AFF3: variants seen among roughly 807,000 people sequenced by gnomAD.
AFF3 encodes ALF transcription elongation factor 3.
Under a neutral mutation model 129.7 loss-of-function variants are expected in AFF3, and 32 were observed. That is an observed-to-expected ratio of 0.25 (90% CI 0.19 to 0.33). The LOEUF is 0.33. Among genes scored for constraint, AFF3 ranks in the 10% least tolerant of loss-of-function variants. The pLI is 1.00. For missense variants in AFF3, 1,373 were observed against 1,592.0 expected (o/e 0.86, Z 2.34); for synonymous variants, 644 against 635.4 (o/e 1.01, Z -0.20).
chr2:99,674,973 G>A (rs1275735831), intron 11 of AFF3, among the ~76,000 whole-genome samples: 1 of 152,194 alleles, frequency 6.6e-6, no homozygotes, highest in Non-Finnish European at 1.5e-5. Context: ...ACACGCATCT[G>A]TTTGAATCTC....
chr2:99,593,706 G>C lies in AFF3; in HGVS notation c.1955C>G (p.Thr652Arg), dbSNP rs764752937. ...GGGGACGATCCTGCTTAGCCCCCGC[G>C]TGCGGCGCTTCTCGCAGGTCACGGA... Reference protein sequence around the residue: ...RSSVTCEKRRTRGLSRIVPKS... With the variant: ...RSSVTCEKRRRRGLSRIVPKS... The change falls in exon 15 of 25, where the codon ACG becomes AGG. Residue 652 changes from threonine to arginine, a missense_variant. Transcript: ENST00000672756. The C allele has an allele frequency of 1.9e-6, 3 of 1,610,238 alleles. No individual in the cohort carries two copies. Among genetic ancestry groups the C allele is most frequent in the Non-Finnish European group, 2.5e-6 (3 of 1,177,830 alleles).
At chr2:99,732,476 C>G (rs542525812) in intron 10 of AFF3, among the ~76,000 whole-genome samples, 4 of 150,582 alleles carry the variant, frequency 2.7e-5, no homozygotes, top group African/African-American at 9.7e-5. Context: ...TGTTTCTAAA[C>G]TTCATACGAC....
intron 13 of AFF3, among the ~76,000 whole-genome samples, chr2:99,621,370 A>C (rs1010581782): frequency 1.3e-5 from 2 of 152,240 alleles, no homozygotes; most frequent in Non-Finnish European, 2.9e-5. Flanking sequence ...AATTCTCATC[A>C]TAACTAAGTC....
chr2:100,039,019 C>A lies in AFF3; in HGVS notation c.54-30087G>T, dbSNP rs1685208465. 2.0e-5 allele frequency among the ~76,000 whole-genome samples: 3 copies of A among 152,138 alleles called. No individual in the cohort carries two copies. The South Asian group carries it at 6.2e-4, about 32-fold the overall frequency. ...GACTACAGGTGTGACCCACCATGCC[C>A]AGCCTATTTTCTTCTTTATAGTTTT... On this transcript the variant is annotated intron_variant, in intron 4 of 24. Transcript: ENST00000672756.
At chr2:99,918,881 T>A (rs1695666816) in intron 7 of AFF3, among the ~76,000 whole-genome samples, 1 of 152,202 alleles carries the variant, frequency 6.6e-6, no homozygotes, top group Admixed American at 6.5e-5. Context: ...TTGGGTATCT[T>A]TGAGTCTTTG....
intron 11 of AFF3, among the ~76,000 whole-genome samples, chr2:99,680,850 G>C (rs1328764524): frequency 1.3e-5 from 2 of 152,176 alleles, no homozygotes; most frequent in African/African-American, 4.8e-5. Context: ...TTAGAAAAGA[G>C]AACCAAGCAT....
chr2:100,086,539 G>A (rs1367026415), intron 4 of AFF3, among the ~76,000 whole-genome samples: 3 of 152,244 alleles, frequency 2.0e-5, no homozygotes, highest in East Asian at 3.9e-4. Context: ...AGAGAGAAAA[G>A]AAAAAAGAAT....
At chr2:99,841,666 G>A (rs1292854994) in intron 7 of AFF3, among the ~76,000 whole-genome samples, 2 of 152,172 alleles carry the variant, frequency 1.3e-5, no homozygotes, top group African/African-American at 4.8e-5. Flanking sequence ...ATCTGAATGG[G>A]AAAGAACTTT....
chr2:99,611,454 G>A (rs993462193), intron 13 of AFF3, among the ~76,000 whole-genome samples: 7 of 152,206 alleles, frequency 4.6e-5, no homozygotes, highest in Admixed American at 6.5e-5. Flanking sequence ...CCACTAATGC[G>A]ATGTTGGCAG....
At chr2:100,033,256 A>C (rs1684655645) in intron 4 of AFF3, among the ~76,000 whole-genome samples, 1 of 152,216 alleles carries the variant, frequency 6.6e-6, no homozygotes, top group South Asian at 2.1e-4. Context: ...GTTAGCAAGA[A>C]ATAAACCTCA....
At chr2:99,697,730 G>C (rs563661886) in intron 11 of AFF3, among the ~76,000 whole-genome samples, 4 of 152,216 alleles carry the variant, frequency 2.6e-5, no homozygotes, top group Non-Finnish European at 5.9e-5. Flanking sequence ...TCTAGCCCTA[G>C]TTCTGGTGTT....
At chr2:99,793,356 ATCTTT>A (rs1162017610) in intron 8 of AFF3, among the ~76,000 whole-genome samples, 2 of 152,180 alleles carry the variant, frequency 1.3e-5, no homozygotes, top group Non-Finnish European at 2.9e-5. Context: ...CCAAACAAAC[ATCTTT>A]TCTTTGTAAA....
chr2:100,063,240 G>A (rs1001538851), intron 4 of AFF3, among the ~76,000 whole-genome samples: 13 of 83,658 alleles, frequency 1.6e-4, no homozygotes, highest in African/African-American at 3.1e-4. Context: ...AACAATGAGC[G>A]AAACTCCATC....
At chr2:99,746,960 A>C (rs1681208493) in intron 9 of AFF3, among the ~76,000 whole-genome samples, 1 of 152,012 alleles carries the variant, frequency 6.6e-6, no homozygotes, top group Non-Finnish European at 1.5e-5. Flanking sequence ...TTTAAAAAAA[A>C]AAAAAGAAAG....
At chr2:99,850,987 G>C (rs1375877752) in intron 7 of AFF3, among the ~76,000 whole-genome samples, 2 of 152,108 alleles carry the variant, frequency 1.3e-5, no homozygotes, top group Non-Finnish European at 2.9e-5. Flanking sequence ...AGTTCTGTAT[G>C]CTTCTAATTA....
At chr2:100,064,738 A>T (rs995054777) in intron 4 of AFF3, among the ~76,000 whole-genome samples, 1 of 152,260 alleles carries the variant, frequency 6.6e-6, no homozygotes, top group African/African-American at 2.4e-5. Flanking sequence ...ATCGTCATGC[A>T]GCGATAATTT....
chr2:99,873,663 A>G (rs1295099309), intron 7 of AFF3, among the ~76,000 whole-genome samples: 1 of 152,136 alleles, frequency 6.6e-6, no homozygotes, highest in African/African-American at 2.4e-5. Context: ...ACTGGCTATA[A>G]GGAGATCAGA....
intron 13 of AFF3, among the ~76,000 whole-genome samples, chr2:99,628,666 C>T (rs1198504817): frequency 6.6e-6 from 1 of 151,356 alleles, no homozygotes; most frequent in African/African-American, 2.4e-5. Flanking sequence ...CAGAGATTCT[C>T]CTGCCTCAGC....
intron 4 of AFF3, among the ~76,000 whole-genome samples, chr2:100,086,227 G>C (rs2666331): frequency 6.6e-6 from 1 of 152,234 alleles, no homozygotes; most frequent in African/African-American, 2.4e-5. Flanking sequence ...AGTGTCATAA[G>C]AATTCCCATA....
Sources: allele counts gnomAD v4.1 joint callset (sites outside exome capture counted in the v4.1 genomes callset), GRCh38; gene constraint gnomAD v4.1.1; transcripts MANE v1.5; gene names NCBI Gene and HGNC (gene_info 2026-07-23, HGNC 2026-07-21).